PAFAH2: variants seen among roughly 807,000 people sequenced by gnomAD.
PAFAH2 encodes the protein platelet activating factor acetylhydrolase 2.
A neutral mutation model predicts 49.0 loss-of-function variants in PAFAH2; 42 were observed. The ratio of observed to expected loss-of-function variants is 0.86; its 90% CI spans 0.67 to 1.11. The LOEUF (loss-of-function observed/expected upper bound fraction) is 1.11. Ranked by LOEUF, PAFAH2 falls within the 50% of genes least tolerant of loss-of-function variation. The probability of loss-of-function intolerance (pLI) is 0.00; values close to 1 mark genes in which losing one functional copy is unlikely to be tolerated. For missense variants in PAFAH2, 503 were observed against 501.8 expected (o/e 1.00, Z -0.02); for synonymous variants, 184 against 181.3 (o/e 1.01, Z -0.12).
chr1:25,974,637 G>C lies in PAFAH2; in HGVS notation c.772C>G (p.Leu258Val), dbSNP rs780226732. The C allele has an allele frequency of 2.5e-6, 4 of 1,613,654 alleles. No individual in the cohort carries two copies. The South Asian group carries it at 4.4e-5, about 18-fold the overall frequency. ...KETQFRCAVA[L>V]DAWMFPLERD... is the part of the protein sequence containing the mutation. ...TCCAGAGGAAACATCCAAGCATCCAGAGCCACCGCACACCTGGAATAGGAC... is the reference window on the plus strand; with the variant it reads ...TCCAGAGGAAACATCCAAGCATCCACAGCCACCGCACACCTGGAATAGGAC... Residue 258 changes from leucine (L) to valine (V), a missense_variant, in exon 9 of 11, where the codon CTG (leucine) becomes GTG (valine). Coordinates refer to ENST00000374282, the MANE Select transcript of PAFAH2 (RefSeq NM_000437.4).
At position 25,984,460 on chromosome 1, in the gene PAFAH2, C is replaced by CTGTGCCGTGTTGGTGAGGGA; in HGVS notation, c.409_410insTCCCTCACCAACACGGCACA (p.Arg137IlefsTer60). The CTGTGCCGTGTTGGTGAGGGA allele has an allele frequency of 6.2e-7, 1 of 1,612,536 alleles. No individual in the cohort carries two copies. Among genetic ancestry groups the CTGTGCCGTGTTGGTGAGGGA allele is most frequent in the Non-Finnish European group, 8.5e-7 (1 of 1,178,826 alleles). On this transcript the variant is annotated frameshift_variant and splice_region_variant, in exon 5 of 11. Coordinates refer to ENST00000374282, the MANE Select transcript of PAFAH2 (RefSeq NM_000437.4). LOFTEE classifies it high-confidence loss of function. ...CAATCCATGGCGGCTCATCCCTCACCTGTGCTCTGGCACAGCAACCACAAA... is the reference window on the plus strand; with the variant it reads ...CAATCCATGGCGGCTCATCCCTCACCTGTGCCGTGTTGGTGAGGGATGTGCTCTGGCACAGCAACCACAAA...
chr1:25,997,611 TG>T (rs1411594840), intron 1 of PAFAH2: 2 of 152,154 alleles, frequency 1.3e-5, no homozygotes, highest in Non-Finnish European at 2.9e-5. Context: ...AAAGAAGGAA[TG>T]GGGACCCTTC....
chr1:25,978,547 T>C (rs2049631183), intron 7 of PAFAH2, among the ~76,000 whole-genome samples: 1 of 152,200 alleles, frequency 6.6e-6, no homozygotes, highest in Non-Finnish European at 1.5e-5. Context: ...GCTAAACTGT[T>C]TCCCAGCAGT....
intron 7 of PAFAH2, among the ~76,000 whole-genome samples, chr1:25,981,893 C>A (rs986952416): frequency 6.6e-6 from 1 of 151,992 alleles, no homozygotes; most frequent in Non-Finnish European, 1.5e-5. Flanking sequence ...CAGTGGCAGG[C>A]GCCTATAATC....
At chr1:25,979,320 T>G (rs991742141) in intron 7 of PAFAH2, among the ~76,000 whole-genome samples, 1 of 22,158 alleles carries the variant, frequency 4.5e-5, no homozygotes, top group Non-Finnish European at 5.6e-4. Flanking sequence ...TACCAATGCC[T>G]TTTTTTTTTT....
chr1:25,984,786 C>T (rs1041507739), intron 4 of PAFAH2, among the ~76,000 whole-genome samples: 7 of 151,666 alleles, frequency 4.6e-5, no homozygotes, highest in Non-Finnish European at 1.0e-4. Context: ...AGTTCCTTTT[C>T]ACCTTCTCCC....
At chr1:25,975,600 C>T (rs1261975062) in intron 8 of PAFAH2, among the ~76,000 whole-genome samples, 1 of 151,878 alleles carries the variant, frequency 6.6e-6, no homozygotes, top group African/African-American at 2.4e-5. Context: ...AGAAGAAAAA[C>T]CTGGATTTCC....
At chr1:25,991,465 G>A (rs1456016478) in intron 1 of PAFAH2, among the ~76,000 whole-genome samples, 1 of 151,648 alleles carries the variant, frequency 6.6e-6, no homozygotes, top group Non-Finnish European at 1.5e-5. Flanking sequence ...TTAATTTTTA[G>A]TAGAGACGGG....
chr1:25,978,009 G>T (rs570102963), intron 7 of PAFAH2, among the ~76,000 whole-genome samples: 1 of 152,188 alleles, frequency 6.6e-6, no homozygotes, highest in South Asian at 2.1e-4. Context: ...AGCCTTCAGG[G>T]TATGGTTATA....
intron 10 of PAFAH2, among the ~76,000 whole-genome samples, chr1:25,964,013 G>C (rs2049382339): frequency 6.6e-6 from 1 of 152,188 alleles, no homozygotes; most frequent in African/African-American, 2.4e-5. Flanking sequence ...GGGAAGAACA[G>C]CAGGGGAGGA....
intron 10 of PAFAH2, among the ~76,000 whole-genome samples, chr1:25,969,474 C>A (rs2049474653): frequency 6.6e-6 from 1 of 152,178 alleles, no homozygotes; most frequent in African/African-American, 2.4e-5. Flanking sequence ...TTGGAATTGG[C>A]CAGTCTAGGT....
chr1:25,970,207 C>T (rs1053165354), intron 10 of PAFAH2, among the ~76,000 whole-genome samples: 1 of 152,158 alleles, frequency 6.6e-6, no homozygotes, highest in Non-Finnish European at 1.5e-5. Flanking sequence ...TGGCTCACAC[C>T]TGTAATCCCA....
In PAFAH2 at chr1:25,984,167, A is replaced by C. The variant is rs547369518; in HGVS notation, c.411-80T>G. ...TCCCCTTTACCAAAGCCTCCCTTTC[A>C]TCCAGGAGGCTCTAGATCACCCTTT... On this transcript the variant is annotated intron_variant, in intron 5 of 10. Coordinates refer to ENST00000374282, the MANE Select transcript of PAFAH2 (RefSeq NM_000437.4). 2.6e-6 allele frequency: 4 copies of C among 1,528,274 alleles called. No individual in the cohort carries two copies. The African/African-American group carries it at 5.5e-5, about 21-fold the overall frequency. The allele number at this position is 1,528,274 out of a possible 1,614,324, so 94.7% of individuals were successfully genotyped here.
chr1:25,977,471 C>A (rs1165147388), intron 7 of PAFAH2, among the ~76,000 whole-genome samples: 1 of 151,252 alleles, frequency 6.6e-6, no homozygotes, highest in East Asian at 2.0e-4. Context: ...GGCTCAAACA[C>A]AGCAAAACCT....
rs2049323536 is a variant in PAFAH2, at chr1:25,960,463, T to A, written c.*1526A>T. The A allele has an allele frequency of 6.6e-6, 1 of 152,648 alleles. No homozygotes were observed. Among genetic ancestry groups the A allele is most frequent in the African/African-American group, 2.4e-5 (1 of 41,462 alleles). The allele number at this position is 152,648 out of a possible 1,614,324, so 9.5% of individuals were successfully genotyped here. Reference sequence around the variant, plus strand: ...AGTTTTTTTCCCACATGGGCCCAAGTAGTAAGCGAACACAGAAGAAAGACA... The same window carrying A: ...AGTTTTTTTCCCACATGGGCCCAAGAAGTAAGCGAACACAGAAGAAAGACA... On this transcript the variant is annotated 3_prime_UTR_variant, in exon 11 of 11. Transcript: ENST00000374282.
chr1:25,984,205 A>T, intron 5 of PAFAH2, 118 bp from the exon 6 acceptor site: 1 of 1,224,436 alleles, frequency 8.2e-7, no homozygotes, highest in Admixed American at 1.9e-5. Flanking sequence ...CTAGTAGGGA[A>T]GGAGATCTGG....
intron 10 of PAFAH2, among the ~76,000 whole-genome samples, chr1:25,963,694 G>C (rs985856010): frequency 2.0e-5 from 3 of 152,214 alleles, no homozygotes; most frequent in African/African-American, 7.2e-5. Context: ...GTAGAGACGA[G>C]GTTTCACCAT....
At position 25,987,754 on chromosome 1, in the gene PAFAH2, G is replaced by A. The variant is rs1310497695; in HGVS notation, c.341+477C>T. ...AAATTTAAAAATAGCCAGGCGTGGT[G>A]GTACGTGCCAGCTACTTGGTGGCTG... On this transcript the variant is annotated intron_variant, in intron 4 of 10. Coordinates refer to ENST00000374282, the MANE Select transcript of PAFAH2 (RefSeq NM_000437.4). Among the ~76,000 whole-genome samples, 5 of 152,030 alleles carry A rather than the reference G, an allele frequency of 3.3e-5. No homozygotes were observed. The East Asian group carries it at 9.7e-4, about 29-fold the overall frequency.
intron 1 of PAFAH2, among the ~76,000 whole-genome samples, chr1:25,993,425 G>C (rs1022081205): frequency 6.6e-6 from 1 of 152,014 alleles, no homozygotes; most frequent in Non-Finnish European, 1.5e-5. Flanking sequence ...AAGACACCAA[G>C]GTCCGGAGAG....
Sources: gnomAD v4.1 joint callset for allele counts (sites outside exome capture counted in the v4.1 genomes callset) on GRCh38, gnomAD v4.1.1 for gene constraint, MANE v1.5 for transcripts, NCBI Gene and HGNC (gene_info 2026-07-23, HGNC 2026-07-21) for gene names.